Variants in PDC observed in about 807,000 individuals in gnomAD.
PDC encodes the protein phosducin.
A neutral mutation model predicts 22.2 loss-of-function variants in PDC; 19 were observed. The ratio of observed to expected loss-of-function variants is 0.86; its 90% CI spans 0.60 to 1.26. The LOEUF (loss-of-function observed/expected upper bound fraction) is 1.26. Among genes scored for constraint, PDC ranks in the 50% most tolerant of loss-of-function variants. The probability of loss-of-function intolerance (pLI) is 0.00; values close to 1 mark genes in which losing one functional copy is unlikely to be tolerated. For missense variants in PDC, 274 were observed against 286.8 expected (o/e 0.96, Z 0.32); for synonymous variants, 97 against 96.2 (o/e 1.01, Z -0.05).
At chr1:186,458,112 C>A (rs1662504580) in intron 1 of PDC, among the ~76,000 whole-genome samples, 1 of 140,734 alleles carries the variant, frequency 7.1e-6, no homozygotes, top group Non-Finnish European at 1.5e-5. Context: ...CCTGTATCAT[C>A]AGTAAAAAAA....
At chr1:186,446,605 T>C in intron 2 of PDC, 28 bp from the exon 3 acceptor site, 1 of 1,392,214 alleles carries the variant, frequency 7.2e-7, no homozygotes, top group Non-Finnish European at 9.9e-7. Flanking sequence ...ATAAATTGTT[T>C]TCCTTTTTAT....
At chr1:186,459,072 G>A (rs1385579095) in intron 1 of PDC, among the ~76,000 whole-genome samples, 2 of 152,182 alleles carry the variant, frequency 1.3e-5, no homozygotes, top group African/African-American at 2.4e-5. Context: ...TGACGCAGGA[G>A]AATCGCTTGA....
rs755022016 is a variant in PDC, at chr1:186,449,496, C to A, written c.-24-13G>T. On this transcript the variant is annotated splice_polypyrimidine_tract_variant and intron_variant, in intron 1 of 3. Coordinates refer to ENST00000391997, the MANE Select transcript of PDC (RefSeq NM_002597.5). ...GATTTGATATAATCTATAGGAGGAA[C>A]AAAGAAATAATAATGACACAAGAAT... 29 of 1,286,040 alleles carry A rather than the reference C, an allele frequency of 2.3e-5. No individual in the cohort carries two copies. Among genetic ancestry groups the A allele is most frequent in the Non-Finnish European group, 3.0e-5 (27 of 890,452 alleles). 79.7% of individuals were successfully genotyped at this position (1,286,040 alleles called of 1,614,324 possible). A position where few individuals can be genotyped will look rare whatever the true frequency, so the allele number is the denominator to read the frequency against.
chr1:186,460,156 G>A (rs1177064911), intron 1 of PDC, among the ~76,000 whole-genome samples: 5 of 152,152 alleles, frequency 3.3e-5, no homozygotes, highest in African/African-American at 4.8e-5. Flanking sequence ...GAATACAGCA[G>A]TCCTCACTTA....
Position 186,446,480 on chromosome 1 carries a change from C to T in PDC, c.159G>A (p.Met53Ile), listed in dbSNP as rs758407282. The T allele has an allele frequency of 6.2e-7, 1 of 1,609,064 alleles. No homozygotes were observed. Among genetic ancestry groups the T allele is most frequent in the South Asian group, 1.1e-5 (1 of 90,656 alleles). The change falls in exon 3 of 4, where the codon ATG becomes ATA. Residue 53 changes from methionine to isoleucine, a missense_variant. Physicochemically the swap from Met to Ile is conservative, Grantham distance 10 (BLOSUM62 1). Coordinates refer to ENST00000391997, the MANE Select transcript of PDC (RefSeq NM_002597.5). Reference sequence around the variant, plus strand: ...TGCCATTCCTACTCTGAGGAGAAGACATTTGCCTGAGAATCTCCTTCTTGC... The same window carrying T: ...TGCCATTCCTACTCTGAGGAGAAGATATTTGCCTGAGAATCTCCTTCTTGC... ...PPSKKEILRQ[M>I]SSPQSRNGKD...
Position 186,444,213 on chromosome 1 carries a change from T to C in PDC, c.507A>G (p.Lys169=). ...CAGCACCTGTATTCGAAGCTTTTAT[T>C]TTACAAAACTTAACTATAGGGTATT... The part of the protein sequence containing the change: ...AAEYPIVKFC[K]IKASNTGAGD... The change falls in exon 4 of 4, where the codon AAA becomes AAG. Residue 169 remains lysine (K), a synonymous_variant. Transcript: ENST00000391997. 1.2e-6 allele frequency: 2 copies of C among 1,614,060 alleles called. No homozygotes were observed. The highest frequency in any genetic ancestry group is 1.7e-6 in the Non-Finnish European group (2 of 1,179,952).
Position 186,444,431 on chromosome 1 carries a change from A to G in PDC, c.289T>C (p.Cys97Arg), listed in dbSNP as rs1016118644. 9 of 1,613,072 alleles carry G rather than the reference A, an allele frequency of 5.6e-6. No individual in the cohort carries two copies. Among genetic ancestry groups the G allele is most frequent in the Non-Finnish European group, 6.8e-6 (8 of 1,179,204 alleles). Residue 97 changes from cysteine to arginine, a missense_variant, in exon 4 of 4, where the codon TGT (cysteine) becomes CGT (arginine). Physicochemically the swap from Cys to Arg is radical, Grantham distance 180. Transcript: ENST00000391997. ...ENCLRKYRRQ[C>R]MQDMHQKLSF... ...AGCTTCTGGTGCATATCCTGCATAC[A>G]CTGTCTACGGTATTTACGAAGGCAG...
intron 2 of PDC, among the ~76,000 whole-genome samples, chr1:186,447,864 G>A (rs2102129747): frequency 6.6e-6 from 1 of 152,214 alleles, no homozygotes; most frequent in Non-Finnish European, 1.5e-5. Context: ...TTAAAAAAGA[G>A]AATCCATTTT....
At chr1:186,455,259 T>G (rs1662434068) in intron 1 of PDC, among the ~76,000 whole-genome samples, 1 of 152,196 alleles carries the variant, frequency 6.6e-6, no homozygotes, top group South Asian at 2.1e-4. Context: ...CCCCGGTGTC[T>G]TTTCTTGTAA....
rs537865026 is a variant in PDC, at chr1:186,454,216, C to T, written c.-24-4733G>A. Among the ~76,000 whole-genome samples, 6 of 145,216 alleles carry T rather than the reference C, an allele frequency of 4.1e-5. No individual in the cohort carries two copies. In the East Asian group the frequency reaches 9.9e-4, roughly 24 times the overall value. On this transcript the variant is annotated intron_variant, in intron 1 of 3. Transcript: ENST00000391997. ...TGAGACAGAGTCTTGCTCCGTAGCC[C>T]AGGCTGGAGTACAGTGGTGCGATCT...
chr1:186,449,417 C>T lies in PDC; in HGVS notation c.43G>A (p.Gly15Arg). ...KSQSLEEDFE[G>R]QATHTGPKGV... Reference sequence around the variant, plus strand: ...TGCTTGCCTGTATGTGTGGCCTGTCCTTCAAAGTCTTCCTCCAAACTTTGG... The same window carrying T: ...TGCTTGCCTGTATGTGTGGCCTGTCTTTCAAAGTCTTCCTCCAAACTTTGG... Residue 15 changes from glycine to arginine, a missense_variant, in exon 2 of 4, where the codon GGA (glycine) becomes AGA (arginine). By Grantham distance (125) the Gly-to-Arg change is moderately radical (BLOSUM62 -2). Transcript: ENST00000391997. The T allele has an allele frequency of 1.2e-6, 2 of 1,605,748 alleles. No individual in the cohort carries two copies. The highest frequency in any genetic ancestry group is 8.5e-7 in the Non-Finnish European group (1 of 1,174,068).
intron 1 of PDC, among the ~76,000 whole-genome samples, chr1:186,459,524 CT>C (rs1662536990): frequency 6.6e-6 from 1 of 152,006 alleles, no homozygotes; most frequent in Admixed American, 6.6e-5. Flanking sequence ...ATCTGTTTAT[CT>C]TGTAAATATA....
At chr1:186,450,279 A>G (rs1199557709) in intron 1 of PDC, among the ~76,000 whole-genome samples, 1 of 152,206 alleles carries the variant, frequency 6.6e-6, no homozygotes, top group East Asian at 1.9e-4. Flanking sequence ...TTTTCATGAC[A>G]ACAGTAGCCA....
chr1:186,451,500 C>T (rs1662353180), intron 1 of PDC: 1 of 152,108 alleles, frequency 6.6e-6, no homozygotes, highest in Non-Finnish European at 1.5e-5. Context: ...AATAGCTTTT[C>T]AGTTCCCAGA....
At chr1:186,456,000 T>A (rs1330770429) in intron 1 of PDC, among the ~76,000 whole-genome samples, 9,919 of 53,480 alleles carry the variant, frequency 0.19, 914 homozygotes, top group Non-Finnish European at 0.22. Flanking sequence ...AAAAAATATA[T>A]ATATATATAT....
intron 3 of PDC, among the ~76,000 whole-genome samples, chr1:186,445,117 A>G (rs548805853): frequency 1.3e-4 from 20 of 152,296 alleles, no homozygotes; most frequent in South Asian, 6.2e-4. Context: ...AGGGCCTTCC[A>G]TAATAGCTAC....
In PDC at chr1:186,444,163, A is replaced by C. The variant is rs750587639; in HGVS notation, c.557T>G (p.Leu186Arg). 1.9e-6 allele frequency: 3 copies of C among 1,613,624 alleles called. No individual in the cohort carries two copies. Among genetic ancestry groups the C allele is most frequent in the East Asian group, 2.2e-5 (1 of 44,870 alleles). Residue 186 changes from leucine to arginine, a missense_variant, in exon 4 of 4, where the codon CTT (leucine) becomes CGT (arginine). Coordinates refer to ENST00000391997, the MANE Select transcript of PDC (RefSeq NM_002597.5). ...GAGDRFSLDV[L>R]PTLLIYKGGE... Reference sequence around the variant, plus strand: ...ACCTTTATAGATGAGCAGTGTAGGAAGTACATCTAAGGAAAAGCGGTCCCC... The same window carrying C: ...ACCTTTATAGATGAGCAGTGTAGGACGTACATCTAAGGAAAAGCGGTCCCC...
intron 1 of PDC, among the ~76,000 whole-genome samples, chr1:186,456,241 C>T (rs1278029194): frequency 6.6e-6 from 1 of 151,608 alleles, no homozygotes; most frequent in African/African-American, 2.4e-5. Flanking sequence ...GATCAAGTAA[C>T]TAGTAGAACA....
intron 1 of PDC, among the ~76,000 whole-genome samples, chr1:186,456,660 T>C (rs1054246365): frequency 2.0e-5 from 3 of 152,216 alleles, no homozygotes; most frequent in African/African-American, 4.8e-5. Flanking sequence ...CAATATTTTT[T>C]CTTTCGTTTA....
Sources: allele counts gnomAD v4.1 joint callset (sites outside exome capture counted in the v4.1 genomes callset), GRCh38; gene constraint gnomAD v4.1.1; transcripts MANE v1.5; gene names NCBI Gene and HGNC (gene_info 2026-07-23, HGNC 2026-07-21).